The following TLR6 variants were observed in gnomAD, a reference collection of about 807,000 sequenced individuals.
TLR6 encodes the protein toll-like receptor 6.
In TLR6, 9 loss-of-function variants were observed where a neutral mutation model predicts 16.1. That is an observed-to-expected ratio of 0.56 (90% CI 0.34 to 0.98). The LOEUF (loss-of-function observed/expected upper bound fraction) is 0.98. Ranked by LOEUF, TLR6 falls within the 50% of genes least tolerant of loss-of-function variation. The pLI is 0.02. For missense variants in TLR6, 786 were observed against 921.0 expected (o/e 0.85, Z 1.90); for synonymous variants, 340 against 338.6 (o/e 1.00, Z -0.04).
exon 2 of TLR6, chr4:38,824,091 C>CTG: frequency 8.1e-6 from 1 of 122,904 alleles, no homozygotes; most frequent in African/African-American, 3.8e-5. Flanking sequence ...CGCCCCCGCC[C>CTG]CCCCCTGCCT....
At chr4:38,828,464 G>A (rs773812347) in exon 2 of TLR6, 1 of 1,614,152 alleles carries the variant, frequency 6.2e-7, no homozygotes. Flanking sequence ...ATCTGAAATG[G>A]TTAACATCAT....
chr4:38,827,382 A>C (rs1290340075), exon 2 of TLR6: 1 of 1,614,190 alleles, frequency 6.2e-7, no homozygotes, highest in Admixed American at 1.7e-5. Flanking sequence ...ACAAAGATGG[A>C]CTTGTAACTC....
At chr4:38,832,437 A>G (rs954722813) in intron 1 of TLR6, among the ~76,000 whole-genome samples, 4 of 152,226 alleles carry the variant, frequency 2.6e-5, no homozygotes, top group Admixed American at 6.5e-5. Flanking sequence ...TCAGAGGTCA[A>G]TGTTTCCACT....
upstream of TLR6, among the ~76,000 whole-genome samples, chr4:38,858,447 C>T (rs1713075025): frequency 1.3e-5 from 2 of 152,048 alleles, no homozygotes; most frequent in African/African-American, 2.4e-5. Context: ...AGGCTGGGCA[C>T]GATGTCTCAT....
At chr4:38,861,221 A>G (rs1479842119), upstream of TLR6, among the ~76,000 whole-genome samples, 7 of 151,764 alleles carry the variant, frequency 4.6e-5, no homozygotes, top group Admixed American at 3.9e-4. Flanking sequence ...TCAATCCGAT[A>G]CCACCCCTTT....
At chr4:38,862,267 G>GTAT in the TLR6 span, among the ~76,000 whole-genome samples, 1 of 150,310 alleles carries the variant, frequency 6.7e-6, no homozygotes, top group African/African-American at 2.4e-5. Context: ...CTGCTCTGAT[G>GTAT]TATTATTCCA....
chr4:38,862,838 G>A, the TLR6 span, among the ~76,000 whole-genome samples: 2 of 141,020 alleles, frequency 1.4e-5, no homozygotes, highest in South Asian at 2.3e-4. Flanking sequence ...CTCATGATCC[G>A]CCCGTCTTGG....
intron 1 of TLR6, among the ~76,000 whole-genome samples, chr4:38,850,769 A>C (rs1712739196): frequency 6.6e-6 from 1 of 152,246 alleles, no homozygotes; most frequent in African/African-American, 2.4e-5. Context: ...GTCCAGGACC[A>C]GACGGATTCA....
At chr4:38,852,730 A>G (rs936202105) in intron 1 of TLR6, among the ~76,000 whole-genome samples, 2 of 151,068 alleles carry the variant, frequency 1.3e-5, no homozygotes, top group East Asian at 2.0e-4. Flanking sequence ...GTCAGGAAAC[A>G]ACAGGTGCTG....
chr4:38,841,534 A>C (rs1712262755), intron 1 of TLR6, among the ~76,000 whole-genome samples: 1 of 152,230 alleles, frequency 6.6e-6, no homozygotes, highest in Admixed American at 6.5e-5. Flanking sequence ...AGGTAGTTGC[A>C]GTGAGCAGAG....
intron 1 of TLR6, among the ~76,000 whole-genome samples, chr4:38,832,268 T>C (rs535444372): frequency 5.9e-5 from 9 of 152,036 alleles, no homozygotes; most frequent in Non-Finnish European, 1.3e-4. Context: ...AATCACACAT[T>C]GAATGAGCAT....
chr4:38,826,470 T>C (rs1449186920), exon 2 of TLR6: 1 of 152,232 alleles, frequency 6.6e-6, no homozygotes, highest in Admixed American at 6.5e-5. Flanking sequence ...GATCCACGTC[T>C]TTCACCTCAA....
chr4:38,831,418 T>C (rs1296787593), intron 1 of TLR6, among the ~76,000 whole-genome samples: 1 of 152,082 alleles, frequency 6.6e-6, no homozygotes, highest in Non-Finnish European at 1.5e-5. Context: ...TTCCAGAAGA[T>C]AACATAGGAG....
At chr4:38,834,498 T>C (rs1711800916) in intron 1 of TLR6, among the ~76,000 whole-genome samples, 1 of 152,032 alleles carries the variant, frequency 6.6e-6, no homozygotes, top group African/African-American at 2.4e-5. Context: ...CTAAAAACTT[T>C]CCAGGTCTTA....
chr4:38,825,259 C>T (rs1379668134), exon 2 of TLR6: 1 of 152,158 alleles, frequency 6.6e-6, no homozygotes. Flanking sequence ...AGTCATTGCA[C>T]CTCTATTTAA....
chr4:38,845,995 G>A (rs1388416614), intron 1 of TLR6, among the ~76,000 whole-genome samples: 1 of 151,618 alleles, frequency 6.6e-6, no homozygotes, highest in Non-Finnish European at 1.5e-5. Context: ...AGGAGGCTGA[G>A]GCAGGAGAAT....
exon 2 of TLR6, chr4:38,827,552 T>C: frequency 1.2e-6 from 2 of 1,614,202 alleles, no homozygotes; most frequent in South Asian, 1.1e-5. Context: ...AGCATGAAAC[T>C]GGAGGTTTCT....
At chr4:38,841,228 G>A (rs1370880297) in intron 1 of TLR6, among the ~76,000 whole-genome samples, 1 of 152,042 alleles carries the variant, frequency 6.6e-6, no homozygotes, top group Non-Finnish European at 1.5e-5. Context: ...TTTATGCAAC[G>A]TTGACTCCAT....
At chr4:38,852,814 AC>A (rs1395422842) in intron 1 of TLR6, among the ~76,000 whole-genome samples, 1 of 152,180 alleles carries the variant, frequency 6.6e-6, no homozygotes, top group Admixed American at 6.5e-5. Flanking sequence ...ATTGTGGAAG[AC>A]AGTGTGGTGA....
Sources: gnomAD v4.1 joint callset for allele counts (sites outside exome capture counted in the v4.1 genomes callset) on GRCh38, gnomAD v4.1.1 for gene constraint, MANE v1.5 for transcripts, NCBI Gene and HGNC (gene_info 2026-07-23, HGNC 2026-07-21) for gene names.